Variants in CALU observed in about 807,000 individuals in gnomAD.
CALU encodes the protein calumenin.
A neutral mutation model predicts 37.5 loss-of-function variants in CALU; 13 were observed. The observed-to-expected ratio is 0.35, with a 90% confidence interval of 0.23 to 0.55. CALU has a LOEUF of 0.55. Among genes scored for constraint, CALU ranks in the 20% least tolerant of loss-of-function variants. CALU has a pLI of 0.89. For missense variants in CALU, 282 were observed against 391.7 expected (o/e 0.72, Z 2.36); for synonymous variants, 114 against 133.8 (o/e 0.85, Z 1.02).
At chr7:128,760,592 A>G (rs1467894398) in intron 5 of CALU, among the ~76,000 whole-genome samples, 13 of 152,190 alleles carry the variant, frequency 8.5e-5, no homozygotes, top group Non-Finnish European at 1.5e-5. Flanking sequence ...TGTATCCTGC[A>G]TGCTCTATGG....
intron 1 of CALU, among the ~76,000 whole-genome samples, chr7:128,744,756 CTG>C (rs746883888): frequency 9.2e-5 from 14 of 152,030 alleles, no homozygotes; most frequent in Non-Finnish European, 1.6e-4. Flanking sequence ...CTGGGAAAGA[CTG>C]TGGGTAGTGG....
chr7:128,746,742 A>T (rs1020417864), intron 1 of CALU, among the ~76,000 whole-genome samples: 3 of 129,390 alleles, frequency 2.3e-5, no homozygotes, highest in African/African-American at 9.1e-5. Context: ...GTGAACCACC[A>T]CCCCCGGCCT....
chr7:128,754,468 T>A lies in CALU; in HGVS notation c.415+13T>A. 3 of 1,609,466 alleles carry A rather than the reference T, an allele frequency of 1.9e-6. No individual in the cohort carries two copies. The highest frequency in any genetic ancestry group is 2.5e-6 in the Non-Finnish European group (3 of 1,177,678). On this transcript the variant is annotated intron_variant, in intron 3 of 6. Transcript: ENST00000249364. Reference sequence around the variant, plus strand: ...GGCTACGTTTTAGGTAGGTCCCTACTGTCTGGGGGAAAAAGCCTTGTGGAG... The same window carrying A: ...GGCTACGTTTTAGGTAGGTCCCTACAGTCTGGGGGAAAAAGCCTTGTGGAG...
At chr7:128,754,586 GA>G in intron 3 of CALU, 131 bp downstream of exon 3, 1 of 1,552,198 alleles carries the variant, frequency 6.4e-7, no homozygotes, top group South Asian at 1.2e-5. Flanking sequence ...AGGGGGAGCT[GA>G]AATCCTGGAT....
At chr7:128,752,075 A>C (rs761843840) in intron 2 of CALU, among the ~76,000 whole-genome samples, 1 of 152,134 alleles carries the variant, frequency 6.6e-6, no homozygotes, top group East Asian at 1.9e-4. Context: ...GTGTACTTAC[A>C]CAACTGCCTG....
intron 5 of CALU, among the ~76,000 whole-genome samples, chr7:128,763,607 C>T (rs916555478): frequency 2.0e-5 from 3 of 152,154 alleles, no homozygotes; most frequent in African/African-American, 7.2e-5. Flanking sequence ...AATGCGCTTA[C>T]GTTGTAGTGT....
intron 3 of CALU, among the ~76,000 whole-genome samples, chr7:128,757,800 C>A (rs1800947785): frequency 6.6e-6 from 1 of 152,034 alleles, no homozygotes; most frequent in African/African-American, 2.4e-5. Flanking sequence ...GCTTAAAAAA[C>A]TAAATTTCAC....
intron 1 of CALU, among the ~76,000 whole-genome samples, chr7:128,744,187 C>T (rs1291348179): frequency 6.6e-6 from 1 of 152,184 alleles, no homozygotes; most frequent in Non-Finnish European, 1.5e-5. Flanking sequence ...TCCTGGGCAA[C>T]AGAGACAGAC....
chr7:128,759,127 T>TGA, intron 4 of CALU, 90 bp downstream of exon 4: 1 of 874,056 alleles, frequency 1.1e-6, no homozygotes, highest in African/African-American at 1.7e-5. Flanking sequence ...ATAGCATATC[T>TGA]TATATATATA....
At chr7:128,747,475 G>A (rs1002186515) in intron 1 of CALU, 1 of 150,428 alleles carries the variant, frequency 6.6e-6, no homozygotes, top group Non-Finnish European at 1.5e-5. Flanking sequence ...GTACTTTTCT[G>A]TTTGTCTTAC....
At chr7:128,753,775 A>T (rs1361277939) in intron 2 of CALU, among the ~76,000 whole-genome samples, 12 of 152,220 alleles carry the variant, frequency 7.9e-5, no homozygotes, top group Non-Finnish European at 1.3e-4. Context: ...TTCTAAAATC[A>T]GCTAAATTTT....
At chr7:128,745,917 G>A (rs145694694) in intron 1 of CALU, among the ~76,000 whole-genome samples, 12 of 152,100 alleles carry the variant, frequency 7.9e-5, no homozygotes, top group African/African-American at 2.4e-4. Flanking sequence ...CCCCATTCCT[G>A]TCTCTTCTCC....
At position 128,758,048 on chromosome 7, in the gene CALU, C is replaced by T. The variant is rs191704859; in HGVS notation, c.416-823C>T. Reference sequence around the variant, plus strand: ...CTGCAATCACGATAATGAGCATATCCATTACCCCCCCAACATTTCCTCATG... The same window carrying T: ...CTGCAATCACGATAATGAGCATATCTATTACCCCCCCAACATTTCCTCATG... On this transcript the variant is annotated intron_variant, in intron 3 of 6. Transcript: ENST00000249364. Among the ~76,000 whole-genome samples, 4 of 151,902 alleles carry T rather than the reference C, an allele frequency of 2.6e-5. No individual in the cohort carries two copies. The East Asian group carries it at 7.7e-4, about 29-fold the overall frequency.
intron 1 of CALU, among the ~76,000 whole-genome samples, chr7:128,745,451 T>C (rs1800395728): frequency 6.6e-6 from 1 of 151,984 alleles, no homozygotes; most frequent in Non-Finnish European, 1.5e-5. Context: ...TTTTTTTTTT[T>C]TTAATTTGCT....
At chr7:128,760,578 A>G (rs1396553057) in intron 5 of CALU, among the ~76,000 whole-genome samples, 2 of 152,164 alleles carry the variant, frequency 1.3e-5, no homozygotes, top group African/African-American at 4.8e-5. Flanking sequence ...CAGCACAGAT[A>G]TAGTGTATCC....
At chr7:128,741,904 T>C (rs1290086989) in intron 1 of CALU, among the ~76,000 whole-genome samples, 1 of 152,266 alleles carries the variant, frequency 6.6e-6, no homozygotes, top group East Asian at 1.9e-4. Flanking sequence ...TTAAAGTTTG[T>C]GCTGGGTTGC....
rs1422565162 is a variant in CALU at position 128,772,054 on chromosome 7, G to T, written c.*2887G>T. Among the ~76,000 whole-genome samples the T allele has an allele frequency of 6.3e-5, 7 of 110,290 alleles. No homozygotes were observed. In the East Asian group the frequency reaches 1.5e-3, roughly 23 times the overall value. 72.4% of individuals were successfully genotyped at this position (110,290 alleles called of 152,430 possible). A position where few individuals can be genotyped will look rare whatever the true frequency, so the allele number is the denominator to read the frequency against. ...TCAAACTCATATTTGGGGCCACTGA[G>T]TTTTTTTTGTTTTTTTTTTTGTTTT... On this transcript the variant is annotated 3_prime_UTR_variant, in exon 7 of 7. Transcript: ENST00000249364.
rs1477165127 is a variant in CALU, at chr7:128,770,321, G to A, written c.*1154G>A. 6.6e-6 allele frequency: 1 copy of A among 152,582 alleles called. No homozygotes were observed. Among genetic ancestry groups the A allele is most frequent in the Non-Finnish European group, 1.5e-5 (1 of 68,028 alleles). The allele number at this position is 152,582 out of a possible 1,614,324, so 9.5% of individuals were successfully genotyped here. ...GTTAAATTAGCAGTATTAGTTATGA[G>A]TTTGGTTGCAGTGTTCTTATCTTGT... On this transcript the variant is annotated 3_prime_UTR_variant, in exon 7 of 7. Transcript: ENST00000249364.
At chr7:128,753,106 C>G (rs1472601770) in intron 2 of CALU, among the ~76,000 whole-genome samples, 2 of 152,220 alleles carry the variant, frequency 1.3e-5, no homozygotes, top group Non-Finnish European at 2.9e-5. Context: ...TATCTAACAC[C>G]TGATCTGTAT....
Sources: gnomAD v4.1 joint callset for allele counts (sites outside exome capture counted in the v4.1 genomes callset) on GRCh38, gnomAD v4.1.1 for gene constraint, MANE v1.5 for transcripts, NCBI Gene and HGNC (gene_info 2026-07-23, HGNC 2026-07-21) for gene names.